Variants in MDGA2 observed in about 807,000 individuals in gnomAD.
MDGA2 encodes MAM domain containing glycosylphosphatidylinositol anchor 2.
In MDGA2, 40 loss-of-function variants were observed where a neutral mutation model predicts 117.8. The ratio of observed to expected loss-of-function variants is 0.34; its 90% CI spans 0.26 to 0.44. MDGA2 has a LOEUF of 0.44. Ranked by LOEUF, MDGA2 falls within the 20% of genes least tolerant of loss-of-function variation. MDGA2 has a pLI of 1.00. For synonymous variants in MDGA2, 452 were observed against 439.0 expected (o/e 1.03, Z -0.37); for missense variants, 1,123 against 1,250.6 (o/e 0.90, Z 1.54).
intron 6 of MDGA2, among the ~76,000 whole-genome samples, chr14:47,091,490 A>G (rs1879654117): frequency 6.6e-6 from 1 of 152,144 alleles, no homozygotes; most frequent in Admixed American, 6.6e-5. Flanking sequence ...GAAGGTGTTT[A>G]CTAGAGGGTA....
chr14:47,201,930 A>G (rs1277670746), intron 3 of MDGA2, among the ~76,000 whole-genome samples: 1 of 152,234 alleles, frequency 6.6e-6, no homozygotes, highest in Non-Finnish European at 1.5e-5. Context: ...ACACATGTAC[A>G]GTACATATTA....
At chr14:47,658,906 C>G (rs962573450) in intron 1 of MDGA2, among the ~76,000 whole-genome samples, 1 of 152,186 alleles carries the variant, frequency 6.6e-6, no homozygotes, top group Non-Finnish European at 1.5e-5. Flanking sequence ...CAGCCTAGGA[C>G]TCTGTTGCAA....
At chr14:47,369,737 CT>C (rs1341781726) in intron 1 of MDGA2, among the ~76,000 whole-genome samples, 1 of 151,938 alleles carries the variant, frequency 6.6e-6, no homozygotes, top group African/African-American at 2.4e-5. Flanking sequence ...AGTTTAATAA[CT>C]TTTTTAGATT....
chr14:47,538,057 AC>A (rs1895260466), intron 1 of MDGA2, among the ~76,000 whole-genome samples: 1 of 152,154 alleles, frequency 6.6e-6, no homozygotes, highest in African/African-American at 2.4e-5. Context: ...GATAAATAGA[AC>A]CTCTATGTTT....
intron 8 of MDGA2, among the ~76,000 whole-genome samples, chr14:47,024,369 T>C (rs567693742): frequency 6.6e-6 from 1 of 152,318 alleles, no homozygotes; most frequent in Admixed American, 6.5e-5. Context: ...AAACACTGGA[T>C]AAACTGTTGA....
At chr14:46,865,835 G>A (rs1209154972) in intron 14 of MDGA2, among the ~76,000 whole-genome samples, 1 of 151,584 alleles carries the variant, frequency 6.6e-6, no homozygotes, top group African/African-American at 2.4e-5. Flanking sequence ...AACTTACAAG[G>A]GATGTGAAGG....
chr14:47,603,711 T>C (rs1338820255), intron 1 of MDGA2, among the ~76,000 whole-genome samples: 1 of 152,116 alleles, frequency 6.6e-6, no homozygotes, highest in African/African-American at 2.4e-5. Context: ...GTCTCTGATA[T>C]GATTTGGATG....
intron 2 of MDGA2, among the ~76,000 whole-genome samples, chr14:47,248,871 T>C (rs1357006276): frequency 6.6e-6 from 1 of 152,166 alleles, no homozygotes; most frequent in Non-Finnish European, 1.5e-5. Context: ...TTAGTATATT[T>C]GGTGATATTA....
At chr14:47,548,514 C>T (rs1200421296) in intron 1 of MDGA2, among the ~76,000 whole-genome samples, 1 of 152,098 alleles carries the variant, frequency 6.6e-6, no homozygotes, top group African/African-American at 2.4e-5. Flanking sequence ...GAAGTCTCTG[C>T]TTAGTTAGCA....
intron 1 of MDGA2, among the ~76,000 whole-genome samples, chr14:47,649,020 A>G (rs1456933145): frequency 6.6e-6 from 1 of 152,194 alleles, no homozygotes; most frequent in Non-Finnish European, 1.5e-5. Flanking sequence ...TCTAGTACCT[A>G]GAGGAAATAA....
At chr14:47,123,979 A>C (rs1476693389) in intron 5 of MDGA2, among the ~76,000 whole-genome samples, 1 of 152,248 alleles carries the variant, frequency 6.6e-6, no homozygotes, top group East Asian at 1.9e-4. Context: ...CTTATGCAAA[A>C]GAGTTACAGG....
intron 1 of MDGA2, among the ~76,000 whole-genome samples, chr14:47,454,760 A>G (rs1438315538): frequency 6.6e-6 from 1 of 152,204 alleles, no homozygotes; most frequent in African/African-American, 2.4e-5. Context: ...GATTCCCTCA[A>G]GTAATGAATG....
At chr14:47,339,100 CTATT>C (rs1170916629) in intron 1 of MDGA2, among the ~76,000 whole-genome samples, 1 of 151,930 alleles carries the variant, frequency 6.6e-6, no homozygotes, top group Admixed American at 6.6e-5. Context: ...TACAGGGAGT[CTATT>C]TAAAATGGAC....
rs576035384 is a variant in MDGA2 at position 47,086,269 on chromosome 14, G to T, written c.1195+10585C>A. On this transcript the variant is annotated intron_variant, in intron 6 of 16. Transcript: ENST00000399232. ...TGAGCCAACAAAGTAAAAAGAAGAAGAGAAGATTCTTTGAAAACTAAAATT... is the reference window on the plus strand; with the variant it reads ...TGAGCCAACAAAGTAAAAAGAAGAATAGAAGATTCTTTGAAAACTAAAATT... 7.6e-4 allele frequency among the ~76,000 whole-genome samples: 115 copies of T among 151,920 alleles called. 2 individuals are homozygous for T. The highest frequency in any genetic ancestry group is 2.7e-3 in the African/African-American group (112 of 41,468).
At chr14:47,525,418 G>C (rs1817682552) in intron 1 of MDGA2, among the ~76,000 whole-genome samples, 1 of 152,110 alleles carries the variant, frequency 6.6e-6, no homozygotes, top group African/African-American at 2.4e-5. Context: ...AGGCACAGTG[G>C]TTCAGCCTGG....
At chr14:47,263,639 T>A (rs1887873077) in intron 2 of MDGA2, among the ~76,000 whole-genome samples, 1 of 152,138 alleles carries the variant, frequency 6.6e-6, no homozygotes, top group Non-Finnish European at 1.5e-5. Context: ...TGCATTGGAC[T>A]TTCTTAGGCC....
At chr14:46,915,021 T>C (rs894558181) in intron 10 of MDGA2, among the ~76,000 whole-genome samples, 1 of 152,184 alleles carries the variant, frequency 6.6e-6, no homozygotes, top group Admixed American at 6.5e-5. Flanking sequence ...AAAATGTATA[T>C]TGCTTAGGCC....
At chr14:47,594,177 G>A (rs979293268) in intron 1 of MDGA2, among the ~76,000 whole-genome samples, 2 of 152,110 alleles carry the variant, frequency 1.3e-5, no homozygotes, top group African/African-American at 4.8e-5. Flanking sequence ...CTAAATTAAG[G>A]CTTGCTCCCT....
At chr14:47,664,766 T>C (rs1897911850) in intron 1 of MDGA2, among the ~76,000 whole-genome samples, 1 of 152,248 alleles carries the variant, frequency 6.6e-6, no homozygotes, top group Non-Finnish European at 1.5e-5. Context: ...TCTGGACCCA[T>C]AGTTGCTGCT....
Sources: gnomAD v4.1 joint callset for allele counts (sites outside exome capture counted in the v4.1 genomes callset) on GRCh38, gnomAD v4.1.1 for gene constraint, MANE v1.5 for transcripts, NCBI Gene and HGNC (gene_info 2026-07-23, HGNC 2026-07-21) for gene names.